The following MTSS1 variants were observed in gnomAD, a reference collection of about 807,000 sequenced individuals.
MTSS1 encodes the protein MTSS I-BAR domain containing 1, also known as protein MTSS 1.
MTSS1 carries 18 observed loss-of-function variants against 79.0 expected under a neutral mutation model. That is an observed-to-expected ratio of 0.23 (90% confidence interval 0.16 to 0.34). MTSS1 has a LOEUF of 0.34. Among genes scored for constraint, MTSS1 ranks in the 10% least tolerant of loss-of-function variants. The probability of loss-of-function intolerance (pLI) is 1.00; values close to 1 mark genes in which losing one functional copy is unlikely to be tolerated. For missense variants in MTSS1, 815 were observed against 986.2 expected, an observed-to-expected ratio of 0.83 and a Z score of 2.33; for synonymous variants, 341 against 368.6, an observed-to-expected ratio of 0.93 and a Z score of 0.86.
At chr8:124,555,370 TGAGTAGCTGGGACTACAGGC>T (rs1563730279) in intron 13 of MTSS1, among the ~76,000 whole-genome samples, 1 of 152,048 alleles carries the variant, frequency 6.6e-6, no homozygotes, top group South Asian at 2.1e-4. Flanking sequence ...CTCAGCCTCC[TGAGTAGCTGGGACTACAGGC>T]GCCTGCCACC....
At chr8:124,556,504 C>T in intron 11 of MTSS1, 99 bp from the exon 12 acceptor site, 1 of 1,333,022 alleles carries the variant, frequency 7.5e-7, no homozygotes, top group South Asian at 1.5e-5. Flanking sequence ...AGCTGGTCCC[C>T]TTAAGGGGAA....
At chr8:124,662,131 G>A (rs770603869) in intron 3 of MTSS1, among the ~76,000 whole-genome samples, 5 of 152,164 alleles carry the variant, frequency 3.3e-5, no homozygotes, top group South Asian at 2.1e-4. Context: ...GTGCTACAAC[G>A]TTCCAGGGGC....
intron 3 of MTSS1, among the ~76,000 whole-genome samples, chr8:124,621,315 C>T (rs1198377797): frequency 6.6e-6 from 1 of 152,192 alleles, no homozygotes; most frequent in East Asian, 1.9e-4. Context: ...TTGTTTGAGG[C>T]ACTGTTAATG....
chr8:124,578,277 T>C (rs1342546566), intron 6 of MTSS1, among the ~76,000 whole-genome samples: 1 of 152,094 alleles, frequency 6.6e-6, no homozygotes, highest in African/African-American at 2.4e-5. Context: ...CCCTGGAGCA[T>C]CACACACACA....
chr8:124,704,287 CTG>C (rs745697708), intron 1 of MTSS1, 96 bp from the exon 2 acceptor site: 107 of 1,060,786 alleles, frequency 1.0e-4, no homozygotes, highest in Non-Finnish European at 1.3e-4. Flanking sequence ...AGGGAACAAT[CTG>C]TGTATGTTCT....
intron 3 of MTSS1, among the ~76,000 whole-genome samples, chr8:124,690,398 C>T (rs1471984789): frequency 6.6e-6 from 1 of 152,194 alleles, no homozygotes; most frequent in East Asian, 1.9e-4. Flanking sequence ...CCCTCACTGT[C>T]CCTGCTGGAG....
At chr8:124,656,761 G>A (rs1432422836) in intron 3 of MTSS1, among the ~76,000 whole-genome samples, 1 of 127,914 alleles carries the variant, frequency 7.8e-6, no homozygotes, top group Non-Finnish European at 1.6e-5. Context: ...CTGGGCAAAA[G>A]AGTGAGTGAG....
At chr8:124,667,830 C>A (rs1196713841) in intron 3 of MTSS1, among the ~76,000 whole-genome samples, 3 of 152,000 alleles carry the variant, frequency 2.0e-5, no homozygotes, top group Non-Finnish European at 4.4e-5. Context: ...ATAATCCCAA[C>A]ACTTTGGGAG....
intron 6 of MTSS1, among the ~76,000 whole-genome samples, chr8:124,583,499 C>A (rs1244455176): frequency 6.6e-6 from 1 of 152,116 alleles, no homozygotes; most frequent in African/African-American, 2.4e-5. Flanking sequence ...TTGGGCAATG[C>A]CAGTGACTTT....
At chr8:124,615,933 G>A (rs1430052307) in intron 3 of MTSS1, among the ~76,000 whole-genome samples, 1 of 152,164 alleles carries the variant, frequency 6.6e-6, no homozygotes, top group Non-Finnish European at 1.5e-5. Context: ...TGCCCCAGAC[G>A]CTATGGCTAT....
intron 3 of MTSS1, among the ~76,000 whole-genome samples, chr8:124,676,605 T>C (rs1344558519): frequency 6.6e-6 from 1 of 152,190 alleles, no homozygotes; most frequent in Non-Finnish European, 1.5e-5. Flanking sequence ...GTTGTCAACA[T>C]CAATATTGTC....
intron 3 of MTSS1, among the ~76,000 whole-genome samples, chr8:124,611,188 A>C (rs554768451): frequency 2.3e-4 from 35 of 150,098 alleles, no homozygotes; most frequent in African/African-American, 8.4e-4. Flanking sequence ...CCTGCCCATC[A>C]ATTATCTTTT....
chr8:124,618,903 C>T (rs4871517), intron 3 of MTSS1, among the ~76,000 whole-genome samples: 37,160 of 152,180 alleles, frequency 0.24, 5,897 homozygotes, highest in African/African-American at 0.45. Context: ...TACACTAACA[C>T]AACAGTGTCA....
chr8:124,721,777 A>G (rs1046954376), intron 1 of MTSS1, among the ~76,000 whole-genome samples: 1 of 152,116 alleles, frequency 6.6e-6, no homozygotes, highest in Non-Finnish European at 1.5e-5. Flanking sequence ...GGTGCTTTTC[A>G]AAATCTTAAT....
intron 4 of MTSS1, among the ~76,000 whole-genome samples, chr8:124,590,454 G>A (rs185379564): frequency 2.5e-4 from 38 of 152,290 alleles, no homozygotes; most frequent in African/African-American, 8.9e-4. Context: ...CACTAAGTAT[G>A]CACAGCCTGG....
At chr8:124,575,637 A>T (rs1364128066) in intron 6 of MTSS1, among the ~76,000 whole-genome samples, 1 of 152,070 alleles carries the variant, frequency 6.6e-6, no homozygotes, top group African/African-American at 2.4e-5. Flanking sequence ...GTCGTTTTTG[A>T]TGTAAGAAAA....
At chr8:124,621,507 C>T (rs993624801) in intron 3 of MTSS1, among the ~76,000 whole-genome samples, 2 of 152,106 alleles carry the variant, frequency 1.3e-5, no homozygotes, top group African/African-American at 4.8e-5. Context: ...TATAGAAGCA[C>T]CAGGCTTGAT....
intron 3 of MTSS1, among the ~76,000 whole-genome samples, chr8:124,679,585 C>G (rs1378378334): frequency 6.6e-6 from 1 of 152,218 alleles, no homozygotes; most frequent in Non-Finnish European, 1.5e-5. Context: ...TAGAGCCCTT[C>G]TAAGAAGCCA....
intron 3 of MTSS1, among the ~76,000 whole-genome samples, chr8:124,678,941 A>ACTATAAAACAC (rs1476420036): frequency 2.6e-5 from 4 of 152,168 alleles, no homozygotes; most frequent in African/African-American, 4.8e-5. Context: ...TCCCTTCTTT[A>ACTATAAAACAC]CTTTCCCCAC....
Sources: allele counts gnomAD v4.1 joint callset (sites outside exome capture counted in the v4.1 genomes callset), GRCh38; gene constraint gnomAD v4.1.1; transcripts MANE v1.5; gene names NCBI Gene and HGNC (gene_info 2026-07-23, HGNC 2026-07-21).